The following TRHDE variants were observed in gnomAD, a reference collection of about 807,000 sequenced individuals.
TRHDE encodes thyrotropin releasing hormone degrading enzyme, also known as thyrotropin-releasing hormone-degrading ectoenzyme.
In TRHDE, 72 loss-of-function variants were observed where a neutral mutation model predicts 125.7. The ratio of observed to expected loss-of-function variants is 0.57; its 90% CI spans 0.47 to 0.70. The LOEUF (loss-of-function observed/expected upper bound fraction) is 0.70. Ranked by LOEUF, TRHDE falls within the 30% of genes least tolerant of loss-of-function variation. TRHDE has a pLI of 0.00. For synonymous variants in TRHDE, 509 were observed against 509.1 expected (o/e 1.00, Z 0.00); for missense variants, 1,110 against 1,327.1 (o/e 0.84, Z 2.54).
intron 2 of TRHDE, among the ~76,000 whole-genome samples, chr12:72,266,635 G>A (rs1044085438): frequency 6.6e-6 from 1 of 151,630 alleles, no homozygotes; most frequent in East Asian, 1.9e-4. Context: ...TTGCTTCAGT[G>A]CTATATCCCT....
At chr12:72,520,028 C>G (rs1189265899) in intron 6 of TRHDE, among the ~76,000 whole-genome samples, 2 of 152,170 alleles carry the variant, frequency 1.3e-5, no homozygotes, top group Non-Finnish European at 2.9e-5. Flanking sequence ...GCTGGGAGAA[C>G]CACTGCTCTC....
chr12:72,603,202 A>G (rs1041981602), intron 12 of TRHDE, among the ~76,000 whole-genome samples: 1 of 152,190 alleles, frequency 6.6e-6, no homozygotes, highest in African/African-American at 2.4e-5. Flanking sequence ...GCAGTAAAAA[A>G]TTTTATAGAT....
At chr12:72,643,827 T>C (rs945318753) in intron 15 of TRHDE, among the ~76,000 whole-genome samples, 4 of 152,086 alleles carry the variant, frequency 2.6e-5, no homozygotes, top group Admixed American at 1.3e-4. Flanking sequence ...CTTTCCAACA[T>C]CAAACATTTA....
intron 7 of TRHDE, among the ~76,000 whole-genome samples, chr12:72,554,215 A>C (rs992550225): frequency 6.6e-6 from 1 of 152,142 alleles, no homozygotes; most frequent in Admixed American, 6.5e-5. Flanking sequence ...AGATTGAAGA[A>C]GACTTTTGAC....
chr12:72,150,822 A>T (rs1354079001), intron 2 of TRHDE, among the ~76,000 whole-genome samples: 1 of 151,844 alleles, frequency 6.6e-6, no homozygotes, highest in Non-Finnish European at 1.5e-5. Flanking sequence ...GGTTGTTTCC[A>T]AGTCTTTGCT....
chr12:72,127,731 T>C (rs1306034461), intron 2 of TRHDE, among the ~76,000 whole-genome samples: 1 of 152,158 alleles, frequency 6.6e-6, no homozygotes, highest in African/African-American at 2.4e-5. Flanking sequence ...TGCTCACTAC[T>C]TGAGTGATGA....
intron 2 of TRHDE, among the ~76,000 whole-genome samples, chr12:72,327,247 G>A (rs2135716005): frequency 6.6e-6 from 1 of 152,202 alleles, no homozygotes; most frequent in East Asian, 1.9e-4. Context: ...CCGAGTTAGG[G>A]AGCCTTTTCT....
At chr12:72,130,413 T>C (rs1466917447) in intron 2 of TRHDE, among the ~76,000 whole-genome samples, 1 of 152,186 alleles carries the variant, frequency 6.6e-6, no homozygotes, top group Non-Finnish European at 1.5e-5. Context: ...GCCATAGTTA[T>C]AAAGATAGTA....
At chr12:72,626,649 T>TA (rs1376026638) in intron 15 of TRHDE, among the ~76,000 whole-genome samples, 1 of 151,944 alleles carries the variant, frequency 6.6e-6, no homozygotes, top group Non-Finnish European at 1.5e-5. Context: ...TCCTTGCTCT[T>TA]AATCAGTTGC....
intron 7 of TRHDE, among the ~76,000 whole-genome samples, chr12:72,557,368 G>A (rs1041267750): frequency 2.0e-5 from 3 of 152,168 alleles, no homozygotes; most frequent in African/African-American, 7.2e-5. Flanking sequence ...AGTGGCTGCA[G>A]CTCTGTCCTA....
At chr12:72,331,100 A>G (rs1869573994) in intron 2 of TRHDE, among the ~76,000 whole-genome samples, 4 of 152,198 alleles carry the variant, frequency 2.6e-5, no homozygotes, top group Admixed American at 1.3e-4. Flanking sequence ...TAAGCAATTC[A>G]CATCTGTTAT....
intron 2 of TRHDE, among the ~76,000 whole-genome samples, chr12:72,376,997 A>G (rs1438313983): frequency 6.6e-6 from 1 of 152,148 alleles, no homozygotes; most frequent in Non-Finnish European, 1.5e-5. Context: ...CCTTCATTTT[A>G]TAAATGAGAG....
At chr12:72,494,489 T>C (rs1877817514) in intron 5 of TRHDE, among the ~76,000 whole-genome samples, 1 of 152,082 alleles carries the variant, frequency 6.6e-6, no homozygotes. Context: ...GTCTGCTTTT[T>C]GGTTGGTTGT....
chr12:72,435,314 T>C (rs528195927), intron 3 of TRHDE, among the ~76,000 whole-genome samples: 140 of 152,310 alleles, frequency 9.2e-4, no homozygotes, highest in Admixed American at 1.8e-3. Context: ...GCCATCAAAC[T>C]GCAGCAGTTT....
intron 2 of TRHDE, among the ~76,000 whole-genome samples, chr12:72,152,403 C>G (rs369604242): frequency 8.0e-5 from 12 of 150,632 alleles, no homozygotes; most frequent in African/African-American, 1.5e-4. Flanking sequence ...TCTCCTGCCT[C>G]ATTGCCCTGG....
At chr12:72,599,665 T>G (rs539722178) in intron 12 of TRHDE, among the ~76,000 whole-genome samples, 42 of 152,278 alleles carry the variant, frequency 2.8e-4, no homozygotes, top group South Asian at 1.9e-3. Context: ...TTCTTTAGTT[T>G]GTCTGTCTAC....
At chr12:72,573,139 C>A (rs988875180) in intron 10 of TRHDE, among the ~76,000 whole-genome samples, 1 of 151,816 alleles carries the variant, frequency 6.6e-6, no homozygotes, top group East Asian at 1.9e-4. Flanking sequence ...TTCAAGGTTG[C>A]TAAGGTTTTT....
upstream of TRHDE, chr12:72,272,076 A>G: frequency 2.2e-6 from 1 of 457,678 alleles, no homozygotes; most frequent in Non-Finnish European, 4.4e-6. The surrounding 1 kb of genome is among the most constrained non-coding windows in gnomAD (Gnocchi z 6.7). Context: ...CTCCAGCTGC[A>G]GGGTGTATGG....
chr12:72,487,012 T>C (rs773878684), intron 5 of TRHDE, among the ~76,000 whole-genome samples: 1 of 151,870 alleles, frequency 6.6e-6, no homozygotes, highest in South Asian at 2.1e-4. Flanking sequence ...CAGCTATAAA[T>C]AAAAAATACA....
Sources: allele counts gnomAD v4.1 joint callset (sites outside exome capture counted in the v4.1 genomes callset), GRCh38; gene constraint gnomAD v4.1.1; non-coding constraint Gnocchi (gnomAD v3.1); transcripts MANE v1.5; gene names NCBI Gene and HGNC (gene_info 2026-07-23, HGNC 2026-07-21).